The following AUTS2 variants were observed in gnomAD, a reference collection of about 807,000 sequenced individuals.
AUTS2 encodes the protein autism susceptibility gene 2 protein.
In AUTS2, 17 loss-of-function variants were observed where a neutral mutation model predicts 112.4. The ratio of observed to expected loss-of-function variants is 0.15; its 90% CI spans 0.10 to 0.23. AUTS2 has a LOEUF of 0.23. Ranked by LOEUF, AUTS2 falls within the 10% of genes least tolerant of loss-of-function variation. The pLI is 1.00. For synonymous variants in AUTS2, 751 were observed against 702.7 expected (o/e 1.07, Z -1.09); for missense variants, 1,510 against 1,701.6 (o/e 0.89, Z 1.98).
intron 1 of AUTS2, among the ~76,000 whole-genome samples, chr7:69,822,896 G>C (rs1791062196): frequency 6.6e-6 from 1 of 152,170 alleles, no homozygotes; most frequent in South Asian, 2.1e-4. Flanking sequence ...TGGAGCTTTT[G>C]AAGGTCCTAT....
intron 4 of AUTS2, among the ~76,000 whole-genome samples, chr7:70,357,282 TC>T (rs1266778029): frequency 1.3e-5 from 2 of 152,184 alleles, no homozygotes; most frequent in Non-Finnish European, 2.9e-5. Flanking sequence ...TCCTCTGCCT[TC>T]CCAAGGTGCT....
chr7:70,000,835 A>T (rs374550324), intron 2 of AUTS2, among the ~76,000 whole-genome samples: 1 of 152,110 alleles, frequency 6.6e-6, no homozygotes, highest in Non-Finnish European at 1.5e-5. Flanking sequence ...TTCTGATTAC[A>T]AGGGGTTGTT....
intron 6 of AUTS2, among the ~76,000 whole-genome samples, chr7:70,737,901 G>A (rs1457598302): frequency 2.0e-5 from 3 of 152,076 alleles, no homozygotes; most frequent in Admixed American, 2.0e-4. Context: ...TTATTATGTT[G>A]CAGCCAATTA....
intron 5 of AUTS2, among the ~76,000 whole-genome samples, chr7:70,486,979 G>A (rs2116330568): frequency 6.6e-6 from 1 of 151,006 alleles, no homozygotes; most frequent in South Asian, 2.1e-4. Context: ...GGCCCCACAG[G>A]GCCTTTCCCT....
intron 1 of AUTS2, among the ~76,000 whole-genome samples, chr7:69,742,415 C>A (rs1562851698): frequency 6.6e-6 from 1 of 152,128 alleles, no homozygotes; most frequent in Non-Finnish European, 1.5e-5. Flanking sequence ...GGGTTCATAT[C>A]TAAAGCCCTT....
chr7:70,339,111 C>A (rs563269632), intron 4 of AUTS2, among the ~76,000 whole-genome samples: 2 of 152,080 alleles, frequency 1.3e-5, no homozygotes, highest in Non-Finnish European at 2.9e-5. Context: ...GATCCGCCCG[C>A]CTCAGCCTCC....
intron 5 of AUTS2, among the ~76,000 whole-genome samples, chr7:70,654,822 A>C (rs1806685317): frequency 6.6e-6 from 1 of 152,184 alleles, no homozygotes; most frequent in Non-Finnish European, 1.5e-5. Flanking sequence ...TCTCAGTGGG[A>C]TATTTAGGCT....
At chr7:70,202,994 CA>C (rs1271875618) in intron 4 of AUTS2, among the ~76,000 whole-genome samples, 1 of 122,134 alleles carries the variant, frequency 8.2e-6, no homozygotes, top group Non-Finnish European at 1.7e-5. Flanking sequence ...GGCACATATA[CA>C]CCATGGAATA....
At chr7:70,389,448 G>A (rs1793752687) in intron 4 of AUTS2, among the ~76,000 whole-genome samples, 1 of 152,204 alleles carries the variant, frequency 6.6e-6, no homozygotes, top group Non-Finnish European at 1.5e-5. Context: ...TATGGCCATG[G>A]TAGGCAAGCC....
At chr7:69,808,223 G>T (rs548898339) in intron 1 of AUTS2, among the ~76,000 whole-genome samples, 2 of 152,140 alleles carry the variant, frequency 1.3e-5, no homozygotes, top group African/African-American at 2.4e-5. Context: ...ACCGCACTCC[G>T]GCCAAGGCCG....
rs78962460 is a variant in AUTS2, at chr7:70,460,876, C to T, written c.690+25095C>T. Among the ~76,000 whole-genome samples, 51 of 152,252 alleles carry T rather than the reference C, an allele frequency of 3.3e-4. 2 individuals are homozygous for T. The East Asian group carries it at 9.9e-3, about 29-fold the overall frequency. The stretch of plus-strand genomic sequence containing the variant: ...CCTTGCTGGTGCCCAGTCAGTCCTG[C>T]ATTTCTCGGCTCTGCAAAATCACAG... On this transcript the variant is annotated intron_variant, in intron 5 of 18. Coordinates refer to ENST00000342771, the MANE Select transcript of AUTS2 (RefSeq NM_015570.4).
At position 70,484,231 on chromosome 7, in the gene AUTS2, G is replaced by A. The variant is rs111649255; in HGVS notation, c.690+48450G>A. On this transcript the variant is annotated intron_variant, in intron 5 of 18. Transcript: ENST00000342771. Reference sequence around the variant, plus strand: ...CTTTTCATTTTCAAAAATCCATATCGGAATTTAACAAAAACAGCTCATAAA... The same window carrying A: ...CTTTTCATTTTCAAAAATCCATATCAGAATTTAACAAAAACAGCTCATAAA... 6.7e-3 allele frequency among the ~76,000 whole-genome samples: 1,012 copies of A among 152,152 alleles called. 4 individuals carry two copies. Among genetic ancestry groups the A allele is most frequent in the Non-Finnish European group, 0.011 (720 of 67,998 alleles).
chr7:69,833,493 T>C (rs1464419376), intron 1 of AUTS2, among the ~76,000 whole-genome samples: 3 of 152,172 alleles, frequency 2.0e-5, no homozygotes, highest in East Asian at 1.9e-4. Context: ...TGGAATGCAC[T>C]GGTGTGATCT....
intron 4 of AUTS2, among the ~76,000 whole-genome samples, chr7:70,151,084 A>G (rs1266545909): frequency 1.3e-5 from 2 of 152,190 alleles, no homozygotes; most frequent in Non-Finnish European, 2.9e-5. Context: ...GGAACTCAGT[A>G]GACTTTCTGC....
rs1392233442 is a variant in AUTS2, at chr7:70,793,016, A to G, written c.*2020A>G. 6.6e-6 allele frequency: 1 copy of G among 152,498 alleles called. No homozygotes were observed. Among genetic ancestry groups the G allele is most frequent in the Non-Finnish European group, 1.5e-5 (1 of 68,044 alleles). The allele number at this position is 152,498 out of a possible 1,614,324, so 9.4% of individuals were successfully genotyped here. Reference sequence around the variant, plus strand: ...CTCACCTGCAGTGGCTGACCACCCTACCCAACTCGGTTAGTGTCTCACCAA... The same window carrying G: ...CTCACCTGCAGTGGCTGACCACCCTGCCCAACTCGGTTAGTGTCTCACCAA... On this transcript the variant is annotated 3_prime_UTR_variant, in exon 19 of 19. Coordinates refer to ENST00000342771, the MANE Select transcript of AUTS2 (RefSeq NM_015570.4).
At chr7:69,808,522 A>T (rs1056802553) in intron 1 of AUTS2, among the ~76,000 whole-genome samples, 8 of 151,882 alleles carry the variant, frequency 5.3e-5, no homozygotes, top group Middle Eastern at 3.2e-3. Context: ...TAAAAAAAAA[A>T]TTTTTTTTCA....
intron 2 of AUTS2, among the ~76,000 whole-genome samples, chr7:70,070,896 AAGGGAGAG>A (rs1319492651): frequency 1.3e-5 from 2 of 151,498 alleles, no homozygotes; most frequent in African/African-American, 2.4e-5. Context: ...AAAAAAAAGA[AAGGGAGAG>A]AGGGAGGGAG....
intron 5 of AUTS2, among the ~76,000 whole-genome samples, chr7:70,473,961 G>A (rs187247551): frequency 2.2e-3 from 331 of 152,200 alleles, no homozygotes; most frequent in African/African-American, 7.5e-3. Context: ...TTCTTCAAGC[G>A]TGGCAGAGGA....
At chr7:70,227,079 C>A (rs1811804248) in intron 4 of AUTS2, among the ~76,000 whole-genome samples, 1 of 152,062 alleles carries the variant, frequency 6.6e-6, no homozygotes, top group South Asian at 2.1e-4. Context: ...GAATTAGTTA[C>A]ATTCTTACCT....
Sources: gnomAD v4.1 joint callset for allele counts (sites outside exome capture counted in the v4.1 genomes callset) on GRCh38, gnomAD v4.1.1 for gene constraint, MANE v1.5 for transcripts, NCBI Gene and HGNC (gene_info 2026-07-23, HGNC 2026-07-21) for gene names.